The following ITPK1 variants were observed in gnomAD, a reference collection of about 807,000 sequenced individuals.
ITPK1 encodes inositol-tetrakisphosphate 1-kinase.
Under a neutral mutation model 45.3 loss-of-function variants are expected in ITPK1, and 21 were observed. The observed-to-expected ratio is 0.46, with a 90% CI of 0.33 to 0.67. The LOEUF (loss-of-function observed/expected upper bound fraction) is 0.67, where lower values mean the gene tolerates loss of function less well. ITPK1 is among the 30% of genes least tolerant of loss of function. The probability of loss-of-function intolerance (pLI) is 0.02; values close to 1 mark genes in which losing one functional copy is unlikely to be tolerated. For missense variants in ITPK1, 474 were observed against 573.5 expected (o/e 0.83, Z 1.77); for synonymous variants, 258 against 253.6 (o/e 1.02, Z -0.16).
intron 5 of ITPK1, among the ~76,000 whole-genome samples, chr14:92,987,256 C>A (rs917365673): frequency 2.0e-5 from 3 of 152,144 alleles, no homozygotes; most frequent in African/African-American, 7.2e-5. Flanking sequence ...GAAAGGGCTG[C>A]GAGTAGGCCT....
chr14:93,055,783 C>T (rs1194896891), intron 3 of ITPK1, among the ~76,000 whole-genome samples: 1 of 152,204 alleles, frequency 6.6e-6, no homozygotes, highest in Non-Finnish European at 1.5e-5. Context: ...GTCCCTACCA[C>T]TCCCCGGGCA....
At chr14:92,972,114 CT>C (rs1190139187) in intron 5 of ITPK1, among the ~76,000 whole-genome samples, 1 of 152,254 alleles carries the variant, frequency 6.6e-6, no homozygotes, top group Non-Finnish European at 1.5e-5. Flanking sequence ...CGTCCTACAG[CT>C]CTCACCTGTA....
chr14:93,088,341 G>GTTTTTTTTTTTTTTTTTT (rs1179019290), intron 2 of ITPK1, among the ~76,000 whole-genome samples: 2 of 132,722 alleles, frequency 1.5e-5, no homozygotes, highest in African/African-American at 5.6e-5. Flanking sequence ...GTTTTGTTTT[G>GTTTTTTTTTTTTTTTTTT]TTTTTTTTTT....
At chr14:92,979,812 T>A (rs1595106028) in intron 5 of ITPK1, among the ~76,000 whole-genome samples, 9 of 152,092 alleles carry the variant, frequency 5.9e-5, no homozygotes, top group Admixed American at 3.9e-4. Context: ...AGGTTTTTTT[T>A]AATCCCTTTT....
At chr14:93,049,730 G>A (rs987002464) in intron 3 of ITPK1, among the ~76,000 whole-genome samples, 1 of 127,324 alleles carries the variant, frequency 7.9e-6, no homozygotes, top group Non-Finnish European at 1.6e-5. Flanking sequence ...GAGACTGACC[G>A]GGGTCACAGA....
chr14:93,059,208 T>G (rs970730229), intron 3 of ITPK1, among the ~76,000 whole-genome samples: 1 of 4,850 alleles, frequency 2.1e-4, no homozygotes, highest in African/African-American at 1.1e-3. Context: ...GAGGGGGGTG[T>G]GGGTCTCGAG....
Position 92,988,407 on chromosome 14 carries a change from G to A in ITPK1, c.364+5473C>T, listed in dbSNP as rs1039074122. On this transcript the variant is annotated intron_variant, in intron 5 of 10. Coordinates refer to ENST00000267615, the MANE Select transcript of ITPK1 (RefSeq NM_014216.6). ...AACTCAGGGGAGAGTGACTGGCCCA[G>A]CCCCCCGAGGGGCTAAGATTGGAAG... Among the ~76,000 whole-genome samples, 4 of 152,196 alleles carry A rather than the reference G, an allele frequency of 2.6e-5. No individual in the cohort carries two copies. In the South Asian group the frequency reaches 8.3e-4, roughly 31 times the overall value.
chr14:93,115,328 G>T (rs570326731), intron 1 of ITPK1, 23 bp from the exon 2 acceptor site: 4 of 286,380 alleles, frequency 1.4e-5, no homozygotes, highest in Non-Finnish European at 2.6e-5. Flanking sequence ...GCGGAGCGGG[G>T]CGGGGCGCGG....
intron 2 of ITPK1, 53 bp downstream of exon 2, chr14:93,114,995 GCACCGGGCTCGGGCCGGGGGT>G (rs548848621): frequency 0.052 from 44,320 of 846,780 alleles, 1,065 homozygotes; most frequent in Non-Finnish European, 0.062. Flanking sequence ...TAATGAGGCT[GCACCGGGCTCGGGCCGGGGGT>G]CACCGGGCTC....
At chr14:92,975,638 G>A (rs1277835760) in intron 5 of ITPK1, among the ~76,000 whole-genome samples, 2 of 152,230 alleles carry the variant, frequency 1.3e-5, no homozygotes, top group African/African-American at 4.8e-5. Context: ...TCCCCAATGT[G>A]GGTGGAGCCT....
chr14:93,079,287 A>G (rs1052330780), intron 2 of ITPK1, among the ~76,000 whole-genome samples: 2 of 152,218 alleles, frequency 1.3e-5, no homozygotes, highest in Non-Finnish European at 2.9e-5. Flanking sequence ...CAAAAAAAGG[A>G]TAAGTTGCAA....
chr14:92,940,331 G>A lies in ITPK1; in HGVS notation c.*1230C>T, dbSNP rs1379088317. ...ACCCCACATCTTCCAGGACTGCAGA[G>A]GCTTCTCCCCAACCCTTTTCTCTGC... On this transcript the variant is annotated 3_prime_UTR_variant, in exon 11 of 11. Coordinates refer to ENST00000267615, the MANE Select transcript of ITPK1 (RefSeq NM_014216.6). 1.0e-6 allele frequency: 1 copy of A among 997,312 alleles called. No individual in the cohort carries two copies. Among genetic ancestry groups the A allele is most frequent in the Admixed American group, 5.6e-5 (1 of 17,794 alleles). The allele number at this position is 997,312 out of a possible 1,614,324, so 61.8% of individuals were successfully genotyped here. A position where few individuals can be genotyped will look rare whatever the true frequency, so the allele number is the denominator to read the frequency against.
intron 3 of ITPK1, among the ~76,000 whole-genome samples, chr14:93,019,716 A>G (rs976195661): frequency 4.6e-5 from 7 of 152,068 alleles, no homozygotes; most frequent in Non-Finnish European, 7.4e-5. Context: ...CTAGCTAGAA[A>G]AGAGATGGGC....
chr14:93,038,518 T>TG (rs1889415897), intron 3 of ITPK1, among the ~76,000 whole-genome samples: 1 of 152,146 alleles, frequency 6.6e-6, no homozygotes. Context: ...GGGATATATG[T>TG]GGGTTTTTGT....
intron 5 of ITPK1, among the ~76,000 whole-genome samples, chr14:92,972,842 C>T (rs764397888): frequency 6.6e-5 from 10 of 152,240 alleles, no homozygotes; most frequent in East Asian, 1.9e-4. Context: ...CTGCCCGCCT[C>T]GGCCTCCAAA....
At chr14:93,073,188 C>T (rs1239749199) in intron 3 of ITPK1, among the ~76,000 whole-genome samples, 2 of 152,234 alleles carry the variant, frequency 1.3e-5, no homozygotes, top group Non-Finnish European at 2.9e-5. Flanking sequence ...CCCCATTTTA[C>T]AGATGAGCAG....
In ITPK1 at chr14:92,938,357, A is replaced by G; in HGVS notation, c.*3204T>C. On this transcript the variant is annotated 3_prime_UTR_variant, in exon 11 of 11. Transcript: ENST00000267615. Reference sequence around the variant, plus strand: ...CCAGTGGCCAATGTGAGTGCCCAAGAGCCAAGAACTGGTCTTCCAGGCTAG... The same window carrying G: ...CCAGTGGCCAATGTGAGTGCCCAAGGGCCAAGAACTGGTCTTCCAGGCTAG... 1 of 742,540 alleles carries G rather than the reference A, an allele frequency of 1.3e-6. No homozygotes were observed. 46.0% of individuals were successfully genotyped at this position (742,540 alleles called of 1,614,324 possible). A position where few individuals can be genotyped will look rare whatever the true frequency, so the allele number is the denominator to read the frequency against.
rs1566678427 is a variant in ITPK1, at chr14:92,937,612, AC to A, written c.*3948del. 6.6e-6 allele frequency: 1 copy of A among 152,352 alleles called. No homozygotes were observed. Among genetic ancestry groups the A allele is most frequent in the African/African-American group, 2.4e-5 (1 of 41,462 alleles). 9.4% of individuals were successfully genotyped at this position (152,352 alleles called of 1,614,324 possible). On this transcript the variant is annotated 3_prime_UTR_variant, in exon 11 of 11. Transcript: ENST00000267615. ...GGGAGGCTCACTCACTCCAAACCAC[AC>A]TGACAATGGCTGTGCAGAGAGAAGG...
At chr14:92,980,436 C>G (rs1431828290) in intron 5 of ITPK1, among the ~76,000 whole-genome samples, 3 of 152,196 alleles carry the variant, frequency 2.0e-5, no homozygotes, top group African/African-American at 7.2e-5. Flanking sequence ...GCCTGTACCA[C>G]CCCATGCCCC....
Sources: allele counts gnomAD v4.1 joint callset (sites outside exome capture counted in the v4.1 genomes callset), GRCh38; gene constraint gnomAD v4.1.1; transcripts MANE v1.5; gene names NCBI Gene and HGNC (gene_info 2026-07-23, HGNC 2026-07-21).